The following FUBP1 variants were observed in gnomAD, a reference collection of about 807,000 sequenced individuals.
FUBP1 encodes far upstream element-binding protein 1.
Under a neutral mutation model 94.9 loss-of-function variants are expected in FUBP1, and 16 were observed. The observed-to-expected ratio is 0.17, with a 90% CI of 0.11 to 0.26. The LOEUF (loss-of-function observed/expected upper bound fraction) is 0.26. Ranked by LOEUF, FUBP1 falls within the 10% of genes least tolerant of loss-of-function variation. FUBP1 has a pLI of 1.00. For synonymous variants in FUBP1, 279 were observed against 254.9 expected (o/e 1.09, Z -0.90); for missense variants, 583 against 808.6 (o/e 0.72, Z 3.38).
chr1:77,960,712 T>C (rs1052735861), intron 14 of FUBP1: 7 of 441,440 alleles, frequency 1.6e-5, no homozygotes, highest in Middle Eastern at 5.7e-4. Context: ...AGCAATTAAA[T>C]GCAATTTAAA....
chr1:77,973,921 T>C (rs77193395), intron 1 of FUBP1, among the ~76,000 whole-genome samples: 1,794 of 152,328 alleles, frequency 0.012, 33 homozygotes, highest in African/African-American at 0.042. Context: ...TATTTTATTT[T>C]TTTAATTAAA....
chr1:77,967,557 T>G, intron 4 of FUBP1, 70 bp downstream of exon 4: 1 of 1,099,484 alleles, frequency 9.1e-7, no homozygotes, highest in Non-Finnish European at 1.4e-6. Context: ...TATACACCAA[T>G]GTGGTTGTGT....
chr1:77,969,687 T>C (rs1657152954), intron 2 of FUBP1, among the ~76,000 whole-genome samples: 1 of 152,068 alleles, frequency 6.6e-6, no homozygotes, highest in Non-Finnish European at 1.5e-5. Flanking sequence ...AGAGGGAAAA[T>C]AAATTGTTTT....
intron 18 of FUBP1, among the ~76,000 whole-genome samples, chr1:77,954,649 G>C (rs547201413): frequency 4.9e-4 from 74 of 152,296 alleles, no homozygotes; most frequent in Admixed American, 7.8e-4. Flanking sequence ...TTTTCTGCTA[G>C]TGAAGGATAA....
At chr1:77,966,809 T>C (rs1430980038) in intron 6 of FUBP1, 58 bp from the exon 7 acceptor site, 26 of 1,281,486 alleles carry the variant, frequency 2.0e-5, no homozygotes, top group Non-Finnish European at 2.8e-5. Context: ...AGCATTATTG[T>C]TACTAGAAGG....
chr1:77,952,177 G>C (rs1032298802), intron 18 of FUBP1, among the ~76,000 whole-genome samples: 1 of 151,940 alleles, frequency 6.6e-6, no homozygotes, highest in East Asian at 1.9e-4. Flanking sequence ...GGTGGATGCT[G>C]CAAGTGAGCC....
At position 77,946,022 on chromosome 1, in the gene FUBP1, AAATCAT is replaced by A. The variant is rs1652076051; in HGVS notation, c.*2738_*2743del. The A allele has an allele frequency of 5.1e-6, 1 of 197,068 alleles. No individual in the cohort carries two copies. Among genetic ancestry groups the A allele is most frequent in the Non-Finnish European group, 1.1e-5 (1 of 94,960 alleles). 12.2% of individuals were successfully genotyped at this position (197,068 alleles called of 1,614,324 possible). A position where few individuals can be genotyped will look rare whatever the true frequency, so the allele number is the denominator to read the frequency against. On this transcript the variant is annotated 3_prime_UTR_variant, in exon 20 of 20. Coordinates refer to ENST00000370768, the MANE Select transcript of FUBP1 (RefSeq NM_003902.5). ...AGCATATAACTTTTGTCTAAGAAAAAAATCATAATAAAATTCTAACCCATAATATCC... is the reference window on the plus strand; with the variant it reads ...AGCATATAACTTTTGTCTAAGAAAAAAATAAAATTCTAACCCATAATATCC...
chr1:77,956,723 G>T, intron 16 of FUBP1, 23 bp from the exon 17 acceptor site: 1 of 1,598,674 alleles, frequency 6.3e-7, no homozygotes. Flanking sequence ...AAAGTTCAAG[G>T]TTTGCATGTG....
At chr1:77,969,743 T>C (rs1440990575) in intron 2 of FUBP1, among the ~76,000 whole-genome samples, 182 bp downstream of exon 2, 2 of 152,086 alleles carry the variant, frequency 1.3e-5, no homozygotes, top group African/African-American at 2.4e-5. Context: ...TTAAAAAATT[T>C]CTTTCAAATT....
At chr1:77,957,334 C>T (rs1654645218) in intron 16 of FUBP1, among the ~76,000 whole-genome samples, 1 of 152,166 alleles carries the variant, frequency 6.6e-6, no homozygotes, top group Non-Finnish European at 1.5e-5. Flanking sequence ...CTGGCTTATC[C>T]TTTCCATTTC....
intron 19 of FUBP1, 107 bp from the exon 20 acceptor site, chr1:77,948,881 A>C: frequency 6.8e-7 from 1 of 1,469,164 alleles, no homozygotes; most frequent in Non-Finnish European, 9.4e-7. Flanking sequence ...GGTTAATATA[A>C]ATGGTGGTGG....
At chr1:77,950,587 T>A (rs909362112) in intron 18 of FUBP1, among the ~76,000 whole-genome samples, 2 of 152,234 alleles carry the variant, frequency 1.3e-5, no homozygotes, top group African/African-American at 2.4e-5. Context: ...GTCTGATGCC[T>A]TATTTCCCCA....
intron 18 of FUBP1, among the ~76,000 whole-genome samples, chr1:77,951,505 G>T (rs1334375407): frequency 6.6e-6 from 1 of 152,138 alleles, no homozygotes; most frequent in East Asian, 1.9e-4. Context: ...CTTCAGACAT[G>T]TACTGCCTTA....
chr1:77,961,458 CATT>C (rs1655467383), intron 14 of FUBP1, among the ~76,000 whole-genome samples: 1 of 152,142 alleles, frequency 6.6e-6, no homozygotes, highest in African/African-American at 2.4e-5. Flanking sequence ...AAAGTAGCAA[CATT>C]TTTTAGGGTT....
At position 77,947,042 on chromosome 1, in the gene FUBP1, T is replaced by C; in HGVS notation, c.*1724A>G. The C allele has an allele frequency of 4.8e-6, 1 of 208,668 alleles. No individual in the cohort carries two copies. Among genetic ancestry groups the C allele is most frequent in the East Asian group, 7.3e-5 (1 of 13,716 alleles). 12.9% of individuals were successfully genotyped at this position (208,668 alleles called of 1,614,324 possible). On this transcript the variant is annotated 3_prime_UTR_variant, in exon 20 of 20. Transcript: ENST00000370768. ...CTCTCCACCAATGACAAAATATATA[T>C]TTATGAAATGTGTTAAAATTGCTAC... is the stretch of plus-strand genomic sequence containing the variant.
chr1:77,967,169 C>G, intron 4 of FUBP1, 68 bp from the exon 5 acceptor site: 1 of 1,036,050 alleles, frequency 9.7e-7, no homozygotes, highest in Non-Finnish European at 1.4e-6. Flanking sequence ...AAAAGATAAT[C>G]TATTAATAAA....
rs1485008423 is a variant in FUBP1, at chr1:77,944,564, A to G, written c.*4202T>C. ...CATTTTAAAGTGAGGCAGAGTTTGC[A>G]GAAAATAAAAACAAGACATCCTCAC... is the stretch of plus-strand genomic sequence containing the variant. On this transcript the variant is annotated 3_prime_UTR_variant, in exon 20 of 20. Transcript: ENST00000370768. Among the ~76,000 whole-genome samples, 1 of 151,964 alleles carries G rather than the reference A, an allele frequency of 6.6e-6. No homozygotes were observed. The highest frequency in any genetic ancestry group is 2.4e-5 in the African/African-American group (1 of 41,436).
chr1:77,975,958 G>C (rs551519045), intron 1 of FUBP1, among the ~76,000 whole-genome samples: 1 of 152,090 alleles, frequency 6.6e-6, no homozygotes, highest in South Asian at 2.1e-4. Flanking sequence ...TACCAGGTAC[G>C]GACCAGGAAT....
intron 1 of FUBP1, among the ~76,000 whole-genome samples, chr1:77,972,243 GAAGGA>G (rs1006654642): frequency 6.6e-6 from 1 of 152,076 alleles, no homozygotes; most frequent in East Asian, 1.9e-4. Context: ...ACTAATAGTA[GAAGGA>G]AAGTATTTCA....
Sources: allele counts gnomAD v4.1 joint callset (sites outside exome capture counted in the v4.1 genomes callset), GRCh38; gene constraint gnomAD v4.1.1; transcripts MANE v1.5; gene names NCBI Gene and HGNC (gene_info 2026-07-23, HGNC 2026-07-21).